Variants in POGLUT3 observed in about 807,000 individuals in gnomAD.
POGLUT3 encodes the protein KDEL (Lys-Asp-Glu-Leu) containing 2.
Under a neutral mutation model 54.3 loss-of-function variants are expected in POGLUT3, and 48 were observed. That is an observed-to-expected ratio of 0.88 (90% CI 0.70 to 1.12). The LOEUF (loss-of-function observed/expected upper bound fraction) is 1.12. POGLUT3 is among the 50% of genes most tolerant of loss of function. The probability of loss-of-function intolerance (pLI) is 0.00; values close to 1 mark genes in which losing one functional copy is unlikely to be tolerated. For synonymous variants in POGLUT3, 218 were observed against 237.4 expected (o/e 0.92, Z 0.75); for missense variants, 629 against 618.7 (o/e 1.02, Z -0.18).
chr11:108,476,373 T>C (rs979645829), intron 7 of POGLUT3, among the ~76,000 whole-genome samples: 1 of 152,080 alleles, frequency 6.6e-6, no homozygotes, highest in Non-Finnish European at 1.5e-5. Flanking sequence ...CCTCAGGTGA[T>C]CCACCCTCCT....
At chr11:108,495,437 C>T (rs2093620614) in intron 1 of POGLUT3, among the ~76,000 whole-genome samples, 2 of 152,172 alleles carry the variant, frequency 1.3e-5, no homozygotes, top group African/African-American at 4.8e-5. Context: ...TCCCAAAGTG[C>T]TGAGATTACA....
At position 108,498,169 on chromosome 11, in the gene POGLUT3, G is replaced by T; in HGVS notation, c.198C>A (p.Pro66=). The change falls in exon 1 of 8, where the codon CCC becomes CCA. Residue 66 remains proline, a synonymous_variant. Coordinates refer to ENST00000323468, the MANE Select transcript of POGLUT3 (RefSeq NM_153705.5). Reference sequence around the variant, plus strand: ...AGGCCGGCGGCTGGACACTACCTGCGGGAGAGCGAGTGAGGTTCTGGCCCT... The same window carrying T: ...AGGCCGGCGGCTGGACACTACCTGCTGGAGAGCGAGTGAGGTTCTGGCCCT... ...NSEGQNLTRS[P]AGETPFKVVV... 5 of 1,513,712 alleles carry T rather than the reference G, an allele frequency of 3.3e-6. No individual in the cohort carries two copies. The highest frequency in any genetic ancestry group is 4.4e-6 in the Non-Finnish European group (5 of 1,132,238). The allele number at this position is 1,513,712 out of a possible 1,614,324, so 93.8% of individuals were successfully genotyped here.
chr11:108,497,228 A>G (rs2093623711), intron 1 of POGLUT3, among the ~76,000 whole-genome samples: 1 of 152,246 alleles, frequency 6.6e-6, no homozygotes, highest in South Asian at 2.1e-4. Context: ...TCTTGAATGA[A>G]TGAAATTTTA....
In POGLUT3 at chr11:108,474,266, A is replaced by T. The variant is rs959973753; in HGVS notation, c.*561T>A. ...TCTTTTTAGAGAAACTATGATGCTGATAATAGCAGTTTTTACGCAAAAGAT... is the reference window on the plus strand; with the variant it reads ...TCTTTTTAGAGAAACTATGATGCTGTTAATAGCAGTTTTTACGCAAAAGAT... On this transcript the variant is annotated 3_prime_UTR_variant, in exon 8 of 8. Coordinates refer to ENST00000323468, the MANE Select transcript of POGLUT3 (RefSeq NM_153705.5). 1.3e-5 allele frequency: 2 copies of T among 152,216 alleles called. No homozygotes were observed. Among genetic ancestry groups the T allele is most frequent in the Non-Finnish European group, 2.9e-5 (2 of 68,042 alleles). The allele number at this position is 152,216 out of a possible 1,614,324, so 9.4% of individuals were successfully genotyped here. A position where few individuals can be genotyped will look rare whatever the true frequency, so the allele number is the denominator to read the frequency against.
At chr11:108,489,970 C>T (rs896577585) in intron 2 of POGLUT3, among the ~76,000 whole-genome samples, 6 of 152,120 alleles carry the variant, frequency 3.9e-5, no homozygotes, top group African/African-American at 1.4e-4. Context: ...ACCGCAGCCT[C>T]GATCTCCCTG....
At chr11:108,482,489 C>T (rs953140968) in intron 3 of POGLUT3, among the ~76,000 whole-genome samples, 3 of 152,114 alleles carry the variant, frequency 2.0e-5, no homozygotes, top group African/African-American at 4.8e-5. Flanking sequence ...CGTGGTGGCT[C>T]ACACCTGTAA....
At chr11:108,478,582 T>C (rs1010719994) in intron 6 of POGLUT3, among the ~76,000 whole-genome samples, 29 of 152,234 alleles carry the variant, frequency 1.9e-4, no homozygotes, top group Non-Finnish European at 2.9e-4. Context: ...CACAGGCTGT[T>C]CATTCAGTAC....
intron 7 of POGLUT3, 142 bp from the exon 8 acceptor site, chr11:108,475,094 C>T (rs987187493): frequency 2.5e-6 from 2 of 814,678 alleles, no homozygotes; most frequent in South Asian, 1.8e-5. Context: ...TGGTTTATTC[C>T]AGTCCTAAAG....
intron 1 of POGLUT3, among the ~76,000 whole-genome samples, chr11:108,493,339 T>G (rs898591038): frequency 9.2e-5 from 14 of 152,238 alleles, no homozygotes; most frequent in Non-Finnish European, 1.5e-4. Context: ...TGTGTCATTG[T>G]TGACATGAAA....
chr11:108,488,615 T>G (rs749426744), intron 2 of POGLUT3, among the ~76,000 whole-genome samples: 57 of 152,218 alleles, frequency 3.7e-4, no homozygotes, highest in Non-Finnish European at 6.9e-4. Context: ...GAAGGTCCTC[T>G]TCACATATTG....
rs2093612369 is a variant in POGLUT3 at position 108,491,093 on chromosome 11, A to G, written c.277T>C (p.Leu93=). The change falls in exon 2 of 8, where the codon TTG becomes CTG. Residue 93 remains leucine (L), a synonymous_variant. Transcript: ENST00000323468. ...AAAAATGTTCCATCATTCCTGTCCA[A>G]AGGTTTAGGGACATGTATCCGGACC... ...ELVRIHVPKP[L]DRNDGTFLMR... is the part of the protein sequence containing the mutation. The G allele has an allele frequency of 1.2e-6, 2 of 1,613,826 alleles. No homozygotes were observed. The highest frequency in any genetic ancestry group is 2.7e-5 in the African/African-American group (2 of 74,918).
At chr11:108,493,661 G>A (rs547905431) in intron 1 of POGLUT3, among the ~76,000 whole-genome samples, 31 of 152,044 alleles carry the variant, frequency 2.0e-4, no homozygotes, top group African/African-American at 4.1e-4. Flanking sequence ...AAAATTAGCC[G>A]GGCATGATGA....
Position 108,479,440 on chromosome 11 carries a change from A to G in POGLUT3, c.1154T>C (p.Leu385Pro). The stretch of plus-strand genomic sequence containing the variant: ...TAAAACCAGACTGTCGCCCAGCATG[A>G]GATATGGATATCTGTAAGCAGCCAC... ...GTVAAYRYPY[L>P]MLGDSLVLKQ... The change falls in exon 6 of 8, where the codon CTC (leucine) becomes CCC (proline). Residue 385 changes from leucine (L) to proline (P), a missense_variant. Coordinates refer to ENST00000323468, the MANE Select transcript of POGLUT3 (RefSeq NM_153705.5). The G allele has an allele frequency of 6.2e-7, 1 of 1,612,704 alleles. No individual in the cohort carries two copies. The highest frequency in any genetic ancestry group is 8.5e-7 in the Non-Finnish European group (1 of 1,179,866).
At position 108,498,157 on chromosome 11, in the gene POGLUT3, G is replaced by A; in HGVS notation, c.202+8C>T. On this transcript the variant is annotated splice_region_variant and intron_variant, in intron 1 of 7. Coordinates refer to ENST00000323468, the MANE Select transcript of POGLUT3 (RefSeq NM_153705.5). ...GCGGGACGAGGGAGGCCGGCGGCTG[G>A]ACACTACCTGCGGGAGAGCGAGTGA... is the stretch of plus-strand genomic sequence containing the variant. The A allele has an allele frequency of 6.6e-7, 1 of 1,507,062 alleles. No homozygotes were observed. The highest frequency in any genetic ancestry group is 8.9e-7 in the Non-Finnish European group (1 of 1,128,732). 93.4% of individuals were successfully genotyped at this position (1,507,062 alleles called of 1,614,324 possible). A position where few individuals can be genotyped will look rare whatever the true frequency, so the allele number is the denominator to read the frequency against.
intron 4 of POGLUT3, 64 bp downstream of exon 4, chr11:108,481,942 A>T: frequency 8.0e-7 from 1 of 1,252,186 alleles, no homozygotes; most frequent in Non-Finnish European, 1.1e-6. Flanking sequence ...GCAAACATAT[A>T]TGTATAACCC....
chr11:108,492,705 T>C (rs1271505737), intron 1 of POGLUT3, among the ~76,000 whole-genome samples: 2 of 152,186 alleles, frequency 1.3e-5, no homozygotes, highest in Non-Finnish European at 2.9e-5. Context: ...ACCAAACATA[T>C]ACATTTTAGG....
intron 1 of POGLUT3, among the ~76,000 whole-genome samples, chr11:108,494,416 C>G (rs1053650886): frequency 6.6e-6 from 1 of 152,212 alleles, no homozygotes; most frequent in African/African-American, 2.4e-5. Flanking sequence ...CTGCCAACGA[C>G]GAACACCCTC....
At chr11:108,498,117 C>G (rs145109738) in intron 1 of POGLUT3, 48 bp downstream of exon 1, 18,656 of 1,453,262 alleles carry the variant, frequency 0.013, 158 homozygotes, top group Non-Finnish European at 0.015. Flanking sequence ...GGCGGGGACG[C>G]GCGGGGACCC....
chr11:108,472,813 G>C lies in POGLUT3; in HGVS notation c.*2014C>G, dbSNP rs1188608720. The C allele has an allele frequency of 6.6e-6, 1 of 152,166 alleles. No individual in the cohort carries two copies. Among genetic ancestry groups the C allele is most frequent in the African/African-American group, 2.4e-5 (1 of 41,426 alleles). The allele number at this position is 152,166 out of a possible 1,614,324, so 9.4% of individuals were successfully genotyped here. A position where few individuals can be genotyped will look rare whatever the true frequency, so the allele number is the denominator to read the frequency against. On this transcript the variant is annotated 3_prime_UTR_variant, in exon 8 of 8. Transcript: ENST00000323468. ...CAATATTTAAGACACAAATTCATTAGGTATGGGCTCAGGACAGCTTGCTCT... is the reference window on the plus strand; with the variant it reads ...CAATATTTAAGACACAAATTCATTACGTATGGGCTCAGGACAGCTTGCTCT...
Sources: gnomAD v4.1 joint callset for allele counts (sites outside exome capture counted in the v4.1 genomes callset) on GRCh38, gnomAD v4.1.1 for gene constraint, MANE v1.5 for transcripts, NCBI Gene and HGNC (gene_info 2026-07-23, HGNC 2026-07-21) for gene names.